ELOVL4: variants seen among roughly 807,000 people sequenced by gnomAD.
ELOVL4 encodes the protein very long chain fatty acid elongase 4.
In ELOVL4, 18 loss-of-function variants were observed where a neutral mutation model predicts 42.1. The observed-to-expected ratio is 0.43, with a 90% CI of 0.30 to 0.63. The LOEUF (loss-of-function observed/expected upper bound fraction) is 0.63, where lower values mean the gene tolerates loss of function less well. ELOVL4 is among the 30% of genes least tolerant of loss of function. ELOVL4 has a pLI of 0.15. For missense variants in ELOVL4, 299 were observed against 376.2 expected (o/e 0.79, Z 1.70); for synonymous variants, 117 against 127.0 (o/e 0.92, Z 0.53).
chr6:79,929,162 G>C (rs976336025), intron 1 of ELOVL4, among the ~76,000 whole-genome samples: 2 of 122,656 alleles, frequency 1.6e-5, no homozygotes, highest in Non-Finnish European at 3.3e-5. Context: ...GAATCACCAG[G>C]TTGGGGAGGG....
chr6:79,926,585 T>G (rs1229379682), intron 1 of ELOVL4, among the ~76,000 whole-genome samples: 13 of 152,200 alleles, frequency 8.5e-5, no homozygotes, highest in Non-Finnish European at 1.6e-4. Flanking sequence ...AAAATTATGC[T>G]TCATTACTTA....
chr6:79,939,492 T>C (rs1239781031), intron 1 of ELOVL4, among the ~76,000 whole-genome samples: 1 of 149,818 alleles, frequency 6.7e-6, no homozygotes, highest in Non-Finnish European at 1.5e-5. Flanking sequence ...CTGTTTCTAT[T>C]AATTTGACTA....
intron 1 of ELOVL4, among the ~76,000 whole-genome samples, chr6:79,928,551 AAG>A (rs1774384994): frequency 6.6e-6 from 1 of 152,088 alleles, no homozygotes; most frequent in Admixed American, 6.6e-5. Flanking sequence ...GAGAAATTTA[AAG>A]AGAGGACTAC....
chr6:79,947,082 C>A, intron 1 of ELOVL4, 98 bp downstream of exon 1: 1 of 995,124 alleles, frequency 1.0e-6, no homozygotes, highest in South Asian at 1.4e-5. Flanking sequence ...AGCCGCAGGG[C>A]GCGGGGGCCT....
At chr6:79,920,733 C>T (rs1239308640) in intron 4 of ELOVL4, among the ~76,000 whole-genome samples, 2 of 152,176 alleles carry the variant, frequency 1.3e-5, no homozygotes, top group African/African-American at 4.8e-5. Flanking sequence ...GGTTGTTTGG[C>T]ATCAACATTA....
intron 1 of ELOVL4, among the ~76,000 whole-genome samples, chr6:79,943,999 T>C (rs1229251077): frequency 6.6e-6 from 1 of 152,170 alleles, no homozygotes; most frequent in Non-Finnish European, 1.5e-5. Flanking sequence ...ACCCATACCC[T>C]GTGAACAACA....
rs1297431402 is a variant in ELOVL4, at chr6:79,926,376, G to A, written c.106C>T (p.Arg36Cys). 8 of 1,613,360 alleles carry A rather than the reference G, an allele frequency of 5.0e-6. No individual in the cohort carries two copies. Among genetic ancestry groups the A allele is most frequent in the South Asian group, 1.1e-5 (1 of 91,040 alleles). ...YRWTWSIADK[R>C]VENWPLMQSP... is the part of the protein sequence containing the mutation. The stretch of plus-strand genomic sequence containing the variant: ...TGCATCAGAGGCCAATTTTCCACAC[G>A]CTTATCTATAGAGAGAACAAAATAC... Residue 36 changes from arginine to cysteine, a missense_variant, in exon 2 of 6, where the codon CGT becomes TGT. Coordinates refer to ENST00000369816, the MANE Select transcript of ELOVL4 (RefSeq NM_022726.4).
At chr6:79,925,948 G>A (rs1039227453) in intron 2 of ELOVL4, among the ~76,000 whole-genome samples, 7 of 152,088 alleles carry the variant, frequency 4.6e-5, no homozygotes, top group African/African-American at 1.7e-4. Flanking sequence ...AACTTTCAAT[G>A]CCAGAACAGC....
At position 79,916,401 on chromosome 6, in the gene ELOVL4, A is replaced by T. The variant is rs186935670; in HGVS notation, c.*207T>A. On this transcript the variant is annotated 3_prime_UTR_variant, in exon 6 of 6. Transcript: ENST00000369816. ...CTGGAGAATATCAAGGCTAATTTTT[A>T]AAAAAAATGTTTAAAATAAAAACTT... is the stretch of plus-strand genomic sequence containing the variant. 4.0e-4 allele frequency: 234 copies of T among 586,178 alleles called. No individual in the cohort carries two copies. Among genetic ancestry groups the T allele is most frequent in the African/African-American group, 1.5e-3 (79 of 53,442 alleles). 36.3% of individuals were successfully genotyped at this position (586,178 alleles called of 1,614,324 possible). A position where few individuals can be genotyped will look rare whatever the true frequency, so the allele number is the denominator to read the frequency against.
Position 79,917,794 on chromosome 6 carries a change from T to C in ELOVL4, c.670-911A>G, listed in dbSNP as rs59799189. ...CCAGACTGCACCATTGCACTCCAAC[T>C]TGGGCAACAAGAGCAAAACTCCGTC... On this transcript the variant is annotated intron_variant, in intron 5 of 5. Transcript: ENST00000369816. Among the ~76,000 whole-genome samples, 691 of 152,120 alleles carry C rather than the reference T, an allele frequency of 4.5e-3. 6 individuals carry two copies. The highest frequency in any genetic ancestry group is 0.016 in the African/African-American group (661 of 41,500).
chr6:79,924,166 A>C (rs1400086512), intron 3 of ELOVL4, among the ~76,000 whole-genome samples: 1 of 152,194 alleles, frequency 6.6e-6, no homozygotes, highest in Non-Finnish European at 1.5e-5. Flanking sequence ...TCTTGTTACT[A>C]GTGTTTTATT....
At chr6:79,946,775 G>C (rs1774749812) in intron 1 of ELOVL4, among the ~76,000 whole-genome samples, 1 of 152,074 alleles carries the variant, frequency 6.6e-6, no homozygotes, top group East Asian at 1.9e-4. Flanking sequence ...TCCCCAGCCC[G>C]CTCTCCATAC....
intron 3 of ELOVL4, among the ~76,000 whole-genome samples, chr6:79,922,547 G>C (rs777186566): frequency 1.3e-5 from 2 of 152,138 alleles, no homozygotes; most frequent in Non-Finnish European, 2.9e-5. Context: ...TGTTTTACAA[G>C]AATCCTACTG....
chr6:79,925,552 G>C (rs1774328824), intron 2 of ELOVL4, among the ~76,000 whole-genome samples: 1 of 152,070 alleles, frequency 6.6e-6, no homozygotes. Flanking sequence ...GAGTCTCTTA[G>C]GAAACAAATT....
chr6:79,947,312 A>C lies in ELOVL4; in HGVS notation c.-33T>G, dbSNP rs954869888. ...ATGAGCGGGCGCTGGCGGCAGGAGA[A>C]AGCGGAGACCCAGAGAGAGGGCTGA... is the stretch of plus-strand genomic sequence containing the variant. On this transcript the variant is annotated 5_prime_UTR_variant, in exon 1 of 6. Coordinates refer to ENST00000369816, the MANE Select transcript of ELOVL4 (RefSeq NM_022726.4). The C allele has an allele frequency of 1.9e-6, 3 of 1,555,446 alleles. No homozygotes were observed. Among genetic ancestry groups the C allele is most frequent in the Middle Eastern group, 1.7e-4 (1 of 5,934 alleles).
chr6:79,923,703 C>T (rs1774296437), intron 3 of ELOVL4, among the ~76,000 whole-genome samples: 1 of 152,122 alleles, frequency 6.6e-6, no homozygotes, highest in African/African-American at 2.4e-5. Flanking sequence ...AAATGCCAGC[C>T]CCACAAAGGC....
Position 79,916,122 on chromosome 6 carries a change from A to C in ELOVL4, c.*486T>G, listed in dbSNP as rs1370367647. ...GAGATTTGACCATTCCGGTCAGCAA[A>C]TGAATTCAAATGTGCAAGTTTAAGT... is the stretch of plus-strand genomic sequence containing the variant. On this transcript the variant is annotated 3_prime_UTR_variant, in exon 6 of 6. Coordinates refer to ENST00000369816, the MANE Select transcript of ELOVL4 (RefSeq NM_022726.4). 1.2e-5 allele frequency: 2 copies of C among 164,108 alleles called. No individual in the cohort carries two copies. Among genetic ancestry groups the C allele is most frequent in the East Asian group, 3.3e-4 (2 of 6,024 alleles). The allele number at this position is 164,108 out of a possible 1,614,324, so 10.2% of individuals were successfully genotyped here. A position where few individuals can be genotyped will look rare whatever the true frequency, so the allele number is the denominator to read the frequency against.
chr6:79,933,092 C>CA (rs1456156573), intron 1 of ELOVL4, among the ~76,000 whole-genome samples: 3 of 152,020 alleles, frequency 2.0e-5, no homozygotes, highest in African/African-American at 7.2e-5. Context: ...ACTAAGCAGA[C>CA]ATGATGAAGA....
chr6:79,938,264 A>C (rs1774581372), intron 1 of ELOVL4, among the ~76,000 whole-genome samples: 1 of 152,224 alleles, frequency 6.6e-6, no homozygotes, highest in Admixed American at 6.5e-5. Flanking sequence ...TGGGAGTTCC[A>C]AGTTCAACCA....
Sources: gnomAD v4.1 joint callset for allele counts (sites outside exome capture counted in the v4.1 genomes callset) on GRCh38, gnomAD v4.1.1 for gene constraint, MANE v1.5 for transcripts, NCBI Gene and HGNC (gene_info 2026-07-23, HGNC 2026-07-21) for gene names.